The following MYRIP variants were observed in gnomAD, a reference collection of about 807,000 sequenced individuals.
MYRIP encodes rab effector MyRIP.
In MYRIP, 49 loss-of-function variants were observed where a neutral mutation model predicts 98.0. That is an observed-to-expected ratio of 0.50 (90% CI 0.40 to 0.63). MYRIP has a LOEUF of 0.63. Ranked by LOEUF, MYRIP falls within the 30% of genes least tolerant of loss-of-function variation. MYRIP has a pLI of 0.00. For synonymous variants in MYRIP, 404 were observed against 409.5 expected (o/e 0.99, Z 0.16); for missense variants, 1,004 against 1,058.2 (o/e 0.95, Z 0.71).
intron 2 of MYRIP, among the ~76,000 whole-genome samples, chr3:39,975,064 G>A (rs1258137172): frequency 1.3e-5 from 2 of 152,184 alleles, no homozygotes; most frequent in African/African-American, 4.8e-5. Context: ...GCAGGAGAAG[G>A]AAATAAAGGG....
At chr3:39,975,489 T>G (rs889982245) in intron 2 of MYRIP, among the ~76,000 whole-genome samples, 6 of 151,864 alleles carry the variant, frequency 4.0e-5, no homozygotes, top group Non-Finnish European at 7.4e-5. Context: ...AATTTACAGA[T>G]TCAATGCCAT....
chr3:39,966,087 C>T (rs1945434857), intron 2 of MYRIP, among the ~76,000 whole-genome samples: 1 of 152,120 alleles, frequency 6.6e-6, no homozygotes, highest in South Asian at 2.1e-4. Context: ...GTGGCTACTC[C>T]AAGATCTCGA....
intron 8 of MYRIP, among the ~76,000 whole-genome samples, chr3:40,171,892 T>C (rs1187544164): frequency 6.6e-6 from 1 of 152,224 alleles, no homozygotes; most frequent in Non-Finnish European, 1.5e-5. Flanking sequence ...CGGTTCCACA[T>C]GGCTGGGGAG....
At chr3:39,960,410 GC>G (rs1945292633) in intron 2 of MYRIP, among the ~76,000 whole-genome samples, 1 of 152,066 alleles carries the variant, frequency 6.6e-6, no homozygotes, top group African/African-American at 2.4e-5. Context: ...ACTTAGGGAG[GC>G]AAAGTTTAAT....
chr3:39,846,253 C>A (rs1421717027), intron 1 of MYRIP, among the ~76,000 whole-genome samples: 1 of 152,160 alleles, frequency 6.6e-6, no homozygotes, highest in Non-Finnish European at 1.5e-5. Context: ...TGCCTTGGTA[C>A]CATCAGGGCC....
At chr3:40,128,763 G>A (rs1185377390) in intron 3 of MYRIP, among the ~76,000 whole-genome samples, 7 of 152,150 alleles carry the variant, frequency 4.6e-5, no homozygotes, top group Non-Finnish European at 1.0e-4. Context: ...TTTTCAGGAG[G>A]TATACTTCAT....
At chr3:39,934,523 C>T (rs1243521198) in intron 2 of MYRIP, among the ~76,000 whole-genome samples, 3 of 152,004 alleles carry the variant, frequency 2.0e-5, no homozygotes, top group Admixed American at 6.6e-5. Flanking sequence ...GCAAGAGCAA[C>T]CAGCTCAGGA....
Position 40,044,186 on chromosome 3 carries a change from G to A in MYRIP, c.247G>A (p.Asp83Asn). 6.2e-7 allele frequency: 1 copy of A among 1,614,190 alleles called. No homozygotes were observed. The highest frequency in any genetic ancestry group is 8.5e-7 in the Non-Finnish European group (1 of 1,180,026). ...FLVNTKRQCG[D>N]CKFNVCKSCC... ...CGTCAACACCAAGCGCCAGTGTGGA[G>A]ATTGCAAATTCAATGTCTGCAAGAG... The change falls in exon 3 of 17, where the codon GAT (aspartate) becomes AAT (asparagine). Residue 83 changes from aspartate (D) to asparagine (N), a missense_variant. Coordinates refer to ENST00000302541, the MANE Select transcript of MYRIP (RefSeq NM_015460.4).
intron 11 of MYRIP, among the ~76,000 whole-genome samples, chr3:40,210,549 G>A (rs1951898271): frequency 6.6e-6 from 1 of 152,054 alleles, no homozygotes; most frequent in Non-Finnish European, 1.5e-5. Flanking sequence ...TGTTCAAAGT[G>A]GCCTTCTGGA....
intron 3 of MYRIP, among the ~76,000 whole-genome samples, chr3:40,137,966 T>C (rs1457746440): frequency 2.0e-5 from 3 of 152,170 alleles, no homozygotes; most frequent in Non-Finnish European, 2.9e-5. Flanking sequence ...TGTCATAAAT[T>C]TATTTACATC....
intron 16 of MYRIP, 102 bp from the exon 17 acceptor site, chr3:40,258,032 T>A (rs1953654417): frequency 7.8e-7 from 1 of 1,281,698 alleles, no homozygotes; most frequent in Admixed American, 1.7e-5. Context: ...TCAAAAAGCA[T>A]GAATAGCTTT....
At chr3:39,952,140 G>T (rs1419054766) in intron 2 of MYRIP, among the ~76,000 whole-genome samples, 1 of 152,062 alleles carries the variant, frequency 6.6e-6, no homozygotes, top group African/African-American at 2.4e-5. Flanking sequence ...ATATGTATAG[G>T]ATATAATACA....
intron 1 of MYRIP, among the ~76,000 whole-genome samples, chr3:39,845,846 C>T (rs1298477013): frequency 2.3e-5 from 3 of 131,776 alleles, no homozygotes; most frequent in Non-Finnish European, 4.8e-5. Context: ...AAGAACTTTC[C>T]CCTACCAAAA....
chr3:39,996,136 A>C (rs998481372), intron 2 of MYRIP, among the ~76,000 whole-genome samples: 2 of 152,222 alleles, frequency 1.3e-5, no homozygotes, highest in Non-Finnish European at 2.9e-5. Context: ...AAGGAGCAAA[A>C]TAACCAGCTA....
At chr3:40,028,311 A>C (rs1034014471) in intron 2 of MYRIP, among the ~76,000 whole-genome samples, 17 of 152,218 alleles carry the variant, frequency 1.1e-4, no homozygotes, top group African/African-American at 3.9e-4. Context: ...AGCATGTTCA[A>C]CATCTTTAGG....
At chr3:39,860,113 C>T (rs1942426572) in intron 1 of MYRIP, among the ~76,000 whole-genome samples, 1 of 152,180 alleles carries the variant, frequency 6.6e-6, no homozygotes. Flanking sequence ...TCTAAAGACT[C>T]CACACACACA....
chr3:39,817,113 T>C (rs528383624), intron 1 of MYRIP, among the ~76,000 whole-genome samples: 20 of 152,222 alleles, frequency 1.3e-4, no homozygotes, highest in Non-Finnish European at 2.5e-4. Flanking sequence ...CATTGTAGAA[T>C]AGAATTGCAA....
At chr3:39,967,181 A>G (rs6806457) in intron 2 of MYRIP, among the ~76,000 whole-genome samples, 1,892 of 152,208 alleles carry the variant, frequency 0.012, 27 homozygotes, top group African/African-American at 0.043. Flanking sequence ...TAGAGATTAT[A>G]TCATCATGCA....
intron 2 of MYRIP, among the ~76,000 whole-genome samples, chr3:39,972,928 C>T (rs1446902182): frequency 2.0e-5 from 3 of 151,878 alleles, no homozygotes; most frequent in Admixed American, 6.6e-5. Flanking sequence ...CTTTATCATA[C>T]TGTCTTTGTG....
Sources: gnomAD v4.1 joint callset for allele counts (sites outside exome capture counted in the v4.1 genomes callset) on GRCh38, gnomAD v4.1.1 for gene constraint, MANE v1.5 for transcripts, NCBI Gene and HGNC (gene_info 2026-07-23, HGNC 2026-07-21) for gene names.